Variants in EIF5B observed in about 807,000 individuals in gnomAD.
EIF5B encodes the protein eukaryotic translation initiation factor 5B.
EIF5B carries 47 observed loss-of-function variants against 147.5 expected under a neutral mutation model. The observed-to-expected ratio is 0.32, with a 90% CI of 0.25 to 0.41. The LOEUF (loss-of-function observed/expected upper bound fraction) is 0.41, where lower values mean the gene tolerates loss of function less well. Among genes scored for constraint, EIF5B ranks in the 10% least tolerant of loss-of-function variants. The pLI, the probability that EIF5B is intolerant of heterozygous loss-of-function variation, is 1.00. For missense variants in EIF5B, 1,064 were observed against 1,413.2 expected (o/e 0.75, Z 3.96); for synonymous variants, 455 against 456.2 (o/e 1.00, Z 0.03).
intron 5 of EIF5B, 125 bp downstream of exon 5, chr2:99,363,987 G>T (rs1022362270): frequency 9.2e-7 from 1 of 1,090,690 alleles, no homozygotes; most frequent in Non-Finnish European, 1.3e-6. Context: ...TTATATTATT[G>T]TTCCGATACA....
chr2:99,341,786 C>T (rs1233808462), intron 1 of EIF5B, among the ~76,000 whole-genome samples: 3 of 151,980 alleles, frequency 2.0e-5, no homozygotes, highest in Non-Finnish European at 4.4e-5. Flanking sequence ...ATTAAATAAC[C>T]ATATTTTCAA....
chr2:99,353,002 CTTCTTTTTTTTTTTTTTTT>C (rs1674009029), intron 1 of EIF5B, among the ~76,000 whole-genome samples: 1 of 64,228 alleles, frequency 1.6e-5, no homozygotes, highest in Non-Finnish European at 3.4e-5. Flanking sequence ...TTTTCTTCTT[CTTCTTTTTTTTTTTTTTTT>C]TTTTTTTTTT....
chr2:99,355,238 C>A (rs1674070037), intron 1 of EIF5B, among the ~76,000 whole-genome samples: 1 of 152,052 alleles, frequency 6.6e-6, no homozygotes, highest in Admixed American at 6.6e-5. Context: ...ACATTTTAGT[C>A]TTTTTTCAAA....
chr2:99,382,854 C>T lies in EIF5B; in HGVS notation c.2204C>T (p.Pro735Leu), dbSNP rs1402222805. Reference sequence around the variant, plus strand: ...GTTGATATTATGCATGGTTTGGAGCCCCAGACAATTGAGTCTATCAACCTT... The same window carrying T: ...GTTGATATTATGCATGGTTTGGAGCTCCAGACAATTGAGTCTATCAACCTT... Reference protein sequence around the residue: ...LVVDIMHGLEPQTIESINLLK... With the variant: ...LVVDIMHGLELQTIESINLLK... Residue 735 changes from proline to leucine, a missense_variant, in exon 14 of 24, where the codon CCC becomes CTC. Transcript: ENST00000289371. The T allele has an allele frequency of 6.2e-7, 1 of 1,611,862 alleles. No individual in the cohort carries two copies. Among genetic ancestry groups the T allele is most frequent in the Non-Finnish European group, 8.5e-7 (1 of 1,179,200 alleles).
chr2:99,385,858 T>C (rs1674794227), intron 14 of EIF5B, among the ~76,000 whole-genome samples: 2 of 152,242 alleles, frequency 1.3e-5, no homozygotes, highest in Non-Finnish European at 2.9e-5. Context: ...AAAAGTTCTC[T>C]CATGTTACTT....
rs532027716 is a variant in EIF5B, at chr2:99,341,142, C to T, written c.35+3553C>T. Among the ~76,000 whole-genome samples, 10 of 152,112 alleles carry T rather than the reference C, an allele frequency of 6.6e-5. No individual in the cohort carries two copies. The South Asian group carries it at 8.3e-4, about 13-fold the overall frequency. On this transcript the variant is annotated intron_variant, in intron 1 of 23. Coordinates refer to ENST00000289371, the MANE Select transcript of EIF5B (RefSeq NM_015904.4). ...TTTTCCTGACCTTTTTCAGTTGACT[C>T]GGGAAACTTGTTGAGACAAAGGCTA...
Position 99,360,342 on chromosome 2 carries a change from A to G in EIF5B, c.142A>G (p.Lys48Glu), listed in dbSNP as rs574008986. Residue 48 changes from lysine to glutamate, a missense_variant, in exon 2 of 24, where the codon AAA (lysine) becomes GAA (glutamate). Physicochemically the swap from Lys to Glu is moderately conservative, Grantham distance 56. Around this residue, in one of 4 missense-constraint regions of EIF5B, gnomAD observed 458 missense variants for 451.3 expected, o/e 1.01. Coordinates refer to ENST00000289371, the MANE Select transcript of EIF5B (RefSeq NM_015904.4). ...QKSKGKKKKEKKKQDFDEDDI... is the reference protein window; with the variant it reads ...QKSKGKKKKEEKKQDFDEDDI... ...GTCAAAAGGGAAAAAGAAAAAAGAG[A>G]AAAAAAAGCAGGACTTTGAGTAAGT... 1.2e-6 allele frequency: 2 copies of G among 1,605,522 alleles called. No homozygotes were observed. The highest frequency in any genetic ancestry group is 1.7e-6 in the Non-Finnish European group (2 of 1,176,008).
intron 1 of EIF5B, among the ~76,000 whole-genome samples, chr2:99,339,454 T>C (rs1216472920): frequency 4.6e-5 from 7 of 152,212 alleles, no homozygotes; most frequent in Non-Finnish European, 8.8e-5. Context: ...GATTGTCTTA[T>C]TACAGTTTTT....
At chr2:99,389,473 C>G in intron 14 of EIF5B, 1 of 270,524 alleles carries the variant, frequency 3.7e-6, no homozygotes, top group Non-Finnish European at 6.9e-6. Context: ...CTTTTGCAAA[C>G]AAATGGCAGC....
intron 6 of EIF5B, among the ~76,000 whole-genome samples, chr2:99,366,103 A>G (rs903615034): frequency 2.6e-5 from 4 of 152,298 alleles, no homozygotes; most frequent in Admixed American, 2.6e-4. Context: ...ACACACACAT[A>G]TATGAGTACT....
intron 1 of EIF5B, among the ~76,000 whole-genome samples, chr2:99,359,244 C>T (rs897855397): frequency 6.6e-6 from 1 of 151,790 alleles, no homozygotes; most frequent in Non-Finnish European, 1.5e-5. Context: ...TGGCGGGCTC[C>T]TGTAGTCCCA....
intron 1 of EIF5B, among the ~76,000 whole-genome samples, chr2:99,342,369 T>C (rs2094261647): frequency 1.3e-5 from 2 of 152,188 alleles, no homozygotes; most frequent in Admixed American, 6.6e-5. Context: ...TCAAGAAATA[T>C]ATTGAGATTT....
In EIF5B at chr2:99,400,071, C is replaced by G. The variant is rs1377847939; in HGVS notation, c.*657C>G. The G allele has an allele frequency of 6.6e-6, 1 of 152,258 alleles. No homozygotes were observed. The highest frequency in any genetic ancestry group is 1.5e-5 in the Non-Finnish European group (1 of 68,054). 9.4% of individuals were successfully genotyped at this position (152,258 alleles called of 1,614,324 possible). Reference sequence around the variant, plus strand: ...AAGAAAACAGACATCCACCAGTAAGCAAGCTCTGTTAGGCTTCCATGTTAG... The same window carrying G: ...AAGAAAACAGACATCCACCAGTAAGGAAGCTCTGTTAGGCTTCCATGTTAG... On this transcript the variant is annotated 3_prime_UTR_variant, in exon 24 of 24. Coordinates refer to ENST00000289371, the MANE Select transcript of EIF5B (RefSeq NM_015904.4).
At chr2:99,359,336 TC>T (rs1674157098) in intron 1 of EIF5B, among the ~76,000 whole-genome samples, 1 of 151,122 alleles carries the variant, frequency 6.6e-6, no homozygotes, top group South Asian at 2.1e-4. Context: ...GCCACTGCAC[TC>T]CAGCCTAGGC....
intron 14 of EIF5B, among the ~76,000 whole-genome samples, chr2:99,383,991 C>T (rs953040890): frequency 3.3e-5 from 5 of 151,766 alleles, no homozygotes; most frequent in Non-Finnish European, 5.9e-5. Context: ...GGGCGGATCA[C>T]GAGGTCAGGA....
At chr2:99,362,433 G>A (rs1411191945) in intron 4 of EIF5B, among the ~76,000 whole-genome samples, 1 of 152,100 alleles carries the variant, frequency 6.6e-6, no homozygotes, top group Non-Finnish European at 1.5e-5. Flanking sequence ...GGCTGGGCGC[G>A]GTGGTTCACG....
intron 6 of EIF5B, among the ~76,000 whole-genome samples, chr2:99,366,105 ATGAG>A (rs1674323940): frequency 6.6e-6 from 1 of 151,924 alleles, no homozygotes; most frequent in Non-Finnish European, 1.5e-5. Context: ...ACACACATAT[ATGAG>A]TACTTTATCA....
At chr2:99,373,716 A>C (rs1425597933) in intron 9 of EIF5B, among the ~76,000 whole-genome samples, 1 of 152,168 alleles carries the variant, frequency 6.6e-6, no homozygotes, top group Non-Finnish European at 1.5e-5. Context: ...GTAATTAATG[A>C]AGTATATTGA....
At chr2:99,369,892 C>T (rs921490569) in intron 8 of EIF5B, among the ~76,000 whole-genome samples, 17 of 152,038 alleles carry the variant, frequency 1.1e-4, no homozygotes, top group African/African-American at 3.9e-4. Flanking sequence ...AGGAGAATTG[C>T]TTGAACCTGG....
Sources: allele counts gnomAD v4.1 joint callset (sites outside exome capture counted in the v4.1 genomes callset), GRCh38; gene constraint gnomAD v4.1.1; regional missense constraint gnomAD v4.1.1; transcripts MANE v1.5; gene names NCBI Gene and HGNC (gene_info 2026-07-23, HGNC 2026-07-21).